DOCK3: variants seen among roughly 807,000 people sequenced by gnomAD.
DOCK3 encodes dedicator of cytokinesis 3.
In DOCK3, 60 loss-of-function variants were observed where a neutral mutation model predicts 265.6. That is an observed-to-expected ratio of 0.23 (90% CI 0.18 to 0.28). DOCK3 has a LOEUF of 0.28. Ranked by LOEUF, DOCK3 falls within the 10% of genes least tolerant of loss-of-function variation. DOCK3 has a pLI of 1.00. For missense variants in DOCK3, 1,981 were observed against 2,594.3 expected, an observed-to-expected ratio of 0.76 and a Z score of 5.14; for synonymous variants, 881 against 938.0, an observed-to-expected ratio of 0.94 and a Z score of 1.11.
intron 1 of DOCK3, among the ~76,000 whole-genome samples, chr3:50,679,111 C>A (rs1301581130): frequency 6.6e-6 from 1 of 152,186 alleles, no homozygotes; most frequent in Admixed American, 6.5e-5. Flanking sequence ...CTGCGCCCAG[C>A]CTTGCCTGGC....
intron 2 of DOCK3, among the ~76,000 whole-genome samples, chr3:50,817,359 C>T (rs985199619): frequency 2.0e-5 from 3 of 152,262 alleles, no homozygotes; most frequent in Non-Finnish European, 4.4e-5. Context: ...CTGGTTCATA[C>T]GCCTCTGACA....
At chr3:50,709,003 G>A (rs532428372) in intron 1 of DOCK3, among the ~76,000 whole-genome samples, 2 of 152,246 alleles carry the variant, frequency 1.3e-5, no homozygotes, top group Admixed American at 6.5e-5. Context: ...CGTTTTATTC[G>A]AGTAAAGCAT....
intron 37 of DOCK3, among the ~76,000 whole-genome samples, chr3:51,340,444 G>A (rs1361227172): frequency 6.6e-6 from 1 of 152,220 alleles, no homozygotes; most frequent in Non-Finnish European, 1.5e-5. Context: ...ATGAGGAGGA[G>A]CCTAAAGAGT....
At chr3:50,981,297 A>G (rs2077679620) in intron 5 of DOCK3, among the ~76,000 whole-genome samples, 1 of 152,220 alleles carries the variant, frequency 6.6e-6, no homozygotes, top group African/African-American at 2.4e-5. Flanking sequence ...CCATTGTGAC[A>G]GATCACAGTA....
chr3:50,799,132 G>A (rs899130537), intron 2 of DOCK3, among the ~76,000 whole-genome samples: 4 of 152,114 alleles, frequency 2.6e-5, no homozygotes, highest in African/African-American at 9.7e-5. Context: ...TTGCTTTGTA[G>A]TATGTTTTGA....
At chr3:51,132,385 A>C (rs1224462661) in intron 9 of DOCK3, among the ~76,000 whole-genome samples, 3 of 152,124 alleles carry the variant, frequency 2.0e-5, no homozygotes, top group Admixed American at 2.0e-4. Context: ...CCTCACCTCT[A>C]GGGGCCCGCT....
At chr3:51,375,896 G>A (rs1437545245) in intron 51 of DOCK3, 61 bp downstream of exon 51, 8 of 1,573,262 alleles carry the variant, frequency 5.1e-6, no homozygotes, top group Non-Finnish European at 7.0e-6. Context: ...TCTGACTCTT[G>A]TCCCTGAGTA....
intron 2 of DOCK3, among the ~76,000 whole-genome samples, chr3:50,821,425 G>C (rs1277186244): frequency 6.6e-6 from 1 of 151,902 alleles, no homozygotes; most frequent in Non-Finnish European, 1.5e-5. Flanking sequence ...TCAGCCTCCA[G>C]AGTAGCTGGG....
At chr3:51,347,868 T>A (rs1387193887) in intron 38 of DOCK3, among the ~76,000 whole-genome samples, 1 of 152,230 alleles carries the variant, frequency 6.6e-6, no homozygotes, top group Non-Finnish European at 1.5e-5. Flanking sequence ...CCTTGTAAGC[T>A]GGATTCCTAG....
chr3:51,029,999 A>G (rs56367927), intron 5 of DOCK3, among the ~76,000 whole-genome samples: 6,972 of 152,124 alleles, frequency 0.046, 578 homozygotes, highest in African/African-American at 0.16. Context: ...GGCGCTCTCC[A>G]GCAGTTTGGC....
At chr3:50,694,792 G>C (rs1281995719) in intron 1 of DOCK3, among the ~76,000 whole-genome samples, 3 of 152,036 alleles carry the variant, frequency 2.0e-5, no homozygotes, top group Non-Finnish European at 2.9e-5. Flanking sequence ...AGCCTGGGCG[G>C]CAGAGCCAGA....
intron 14 of DOCK3, among the ~76,000 whole-genome samples, chr3:51,216,320 A>G (rs149239968): frequency 2.1e-4 from 32 of 152,312 alleles, no homozygotes; most frequent in African/African-American, 7.2e-4. Context: ...ATCTCTTCAT[A>G]TCATTGGCAC....
intron 2 of DOCK3, among the ~76,000 whole-genome samples, chr3:50,836,563 T>G (rs1368433663): frequency 6.6e-6 from 1 of 152,096 alleles, no homozygotes; most frequent in East Asian, 1.9e-4. Flanking sequence ...CACACAGCAG[T>G]GGGGCCCTGG....
chr3:51,249,438 G>C (rs1476654649), intron 22 of DOCK3, among the ~76,000 whole-genome samples: 1 of 119,568 alleles, frequency 8.4e-6, no homozygotes, highest in Non-Finnish European at 1.8e-5. Flanking sequence ...CCTCTGTCCG[G>C]CCGCCCCTAC....
chr3:51,082,001 T>A (rs1167427973), intron 7 of DOCK3, among the ~76,000 whole-genome samples: 1 of 151,406 alleles, frequency 6.6e-6, no homozygotes, highest in Non-Finnish European at 1.5e-5. Context: ...AGTAATTAAC[T>A]ACATATTGAA....
intron 2 of DOCK3, among the ~76,000 whole-genome samples, chr3:50,815,243 A>G (rs992065750): frequency 6.6e-6 from 1 of 152,142 alleles, no homozygotes; most frequent in Non-Finnish European, 1.5e-5. Flanking sequence ...TGGTTAATTT[A>G]GTATTTGGCT....
At chr3:51,378,263 T>C (rs1285864392) in intron 51 of DOCK3, among the ~76,000 whole-genome samples, 1 of 152,182 alleles carries the variant, frequency 6.6e-6, no homozygotes, top group Non-Finnish European at 1.5e-5. Flanking sequence ...GTTTAGACAG[T>C]GGAGTTTTAC....
At chr3:50,713,516 A>G (rs1351840214) in intron 1 of DOCK3, among the ~76,000 whole-genome samples, 4 of 152,182 alleles carry the variant, frequency 2.6e-5, no homozygotes, top group Non-Finnish European at 2.9e-5. Context: ...TGTGTTAGGC[A>G]TGGGCTGAGC....
chr3:50,778,039 T>C (rs1231409983), intron 1 of DOCK3, among the ~76,000 whole-genome samples: 1 of 152,190 alleles, frequency 6.6e-6, no homozygotes, highest in Non-Finnish European at 1.5e-5. Flanking sequence ...GTGATTTGAC[T>C]GTGGGTTTGT....
Sources: allele counts gnomAD v4.1 joint callset (sites outside exome capture counted in the v4.1 genomes callset), GRCh38; gene constraint gnomAD v4.1.1; transcripts MANE v1.5; gene names NCBI Gene and HGNC (gene_info 2026-07-23, HGNC 2026-07-21).